SIMC1: variants seen among roughly 807,000 people sequenced by gnomAD.
The protein encoded by SIMC1 is SUMO-interacting motif-containing protein 1.
Under a neutral mutation model 82.3 loss-of-function variants are expected in SIMC1, and 55 were observed. The observed-to-expected ratio is 0.67, with a 90% CI of 0.54 to 0.84. SIMC1 has a LOEUF of 0.84. Among genes scored for constraint, SIMC1 ranks in the 40% least tolerant of loss-of-function variants. The pLI is 0.00. For missense variants in SIMC1, 915 were observed against 1,107.2 expected, an observed-to-expected ratio of 0.83 and a Z score of 2.46; for synonymous variants, 353 against 426.3, an observed-to-expected ratio of 0.83 and a Z score of 2.12.
At chr5:176,305,837 CCGTCCGGG>C (rs1349625591) in intron 4 of SIMC1, among the ~76,000 whole-genome samples, 1 of 73,364 alleles carries the variant, frequency 1.4e-5, no homozygotes, top group African/African-American at 5.7e-5. Flanking sequence ...GCCAGCCGCC[CCGTCCGGG>C]AGGGAGGTGG....
rs572493300 is a variant in SIMC1 at position 176,241,874 on chromosome 5, A to G, written c.129+3237A>G. Among the ~76,000 whole-genome samples the G allele has an allele frequency of 2.1e-3, 319 of 151,962 alleles. 5 individuals are homozygous for G. In the East Asian group the frequency reaches 0.047, roughly 22 times the overall value. On this transcript the variant is annotated intron_variant, in intron 1 of 9. Coordinates refer to ENST00000429602, the MANE Select transcript of SIMC1 (RefSeq NM_001308195.2). ...ATAAATCATCTGTCTGAAATAGGGG[A>G]CAACCACAGCTGCAGACCTCTATCT...
Position 176,275,929 on chromosome 5 carries a change from T to G in SIMC1, c.130-13725T>G, listed in dbSNP as rs1037101192. On this transcript the variant is annotated intron_variant, in intron 1 of 9. Coordinates refer to ENST00000429602, the MANE Select transcript of SIMC1 (RefSeq NM_001308195.2). ...GTTCATCAAGGATATTGGTCTAAAA[T>G]TCTCTTTTTTGGTTGTGTCTCTGCC... 6.6e-5 allele frequency among the ~76,000 whole-genome samples: 10 copies of G among 151,712 alleles called. 1 individual carries two copies. The highest frequency in any genetic ancestry group is 2.1e-4 in the South Asian group (1 of 4,830).
At chr5:176,332,134 T>C (rs1765697166) in intron 7 of SIMC1, among the ~76,000 whole-genome samples, 1 of 152,248 alleles carries the variant, frequency 6.6e-6, no homozygotes, top group African/African-American at 2.4e-5. Context: ...ATATAAGTAT[T>C]GGTTTTATAC....
At chr5:176,254,740 T>C (rs1006043534) in intron 1 of SIMC1, among the ~76,000 whole-genome samples, 1 of 151,750 alleles carries the variant, frequency 6.6e-6, no homozygotes, top group African/African-American at 2.4e-5. Flanking sequence ...TGGTAATATA[T>C]ATAACCAATG....
At position 176,322,431 on chromosome 5, in the gene SIMC1, G is replaced by T; in HGVS notation, c.2042+6G>T. ...ACAAAGAACACCAATCAGCTGTAAG[G>T]GGCAGGCAGTTCTCTTTCCTGGGGC... On this transcript the variant is annotated splice_donor_region_variant and intron_variant, in intron 6 of 9. Coordinates refer to ENST00000429602, the MANE Select transcript of SIMC1 (RefSeq NM_001308195.2). 1 of 1,606,122 alleles carries T rather than the reference G, an allele frequency of 6.2e-7. No individual in the cohort carries two copies. Among genetic ancestry groups the T allele is most frequent in the Non-Finnish European group, 8.5e-7 (1 of 1,176,394 alleles).
intron 1 of SIMC1, among the ~76,000 whole-genome samples, chr5:176,284,231 A>G (rs1763156829): frequency 6.6e-6 from 1 of 152,260 alleles, no homozygotes; most frequent in African/African-American, 2.4e-5. Context: ...CATTCTTCTC[A>G]GCACCACACC....
At chr5:176,272,642 C>A (rs1424219815) in intron 1 of SIMC1, among the ~76,000 whole-genome samples, 1 of 152,130 alleles carries the variant, frequency 6.6e-6, no homozygotes, top group African/African-American at 2.4e-5. Flanking sequence ...TGAGGCTTTG[C>A]CTCGCCTGAG....
chr5:176,307,549 C>T (rs902742098), intron 4 of SIMC1, among the ~76,000 whole-genome samples: 1 of 151,974 alleles, frequency 6.6e-6, no homozygotes, highest in Non-Finnish European at 1.5e-5. Context: ...TACAGGCGCC[C>T]GCCACCACGC....
At position 176,286,910 on chromosome 5, in the gene SIMC1, A is replaced by G. The variant is rs1763314770; in HGVS notation, c.130-2744A>G. Among the ~76,000 whole-genome samples, 4 of 152,262 alleles carry G rather than the reference A, an allele frequency of 2.6e-5. No homozygotes were observed. In the South Asian group the frequency reaches 6.2e-4, roughly 24 times the overall value. On this transcript the variant is annotated intron_variant, in intron 1 of 9. Coordinates refer to ENST00000429602, the MANE Select transcript of SIMC1 (RefSeq NM_001308195.2). ...TCATCACTGGCTATCGGAGAAATGCATATCAAAACCACAATGAGATACCAT... is the reference window on the plus strand; with the variant it reads ...TCATCACTGGCTATCGGAGAAATGCGTATCAAAACCACAATGAGATACCAT...
rs186552127 is a variant in SIMC1 at position 176,282,888 on chromosome 5, A to G, written c.130-6766A>G. ...ACTACGTGATGCATGCACAAGCTTC[A>G]GTAGCCGATTCGATCAACTGGAAGA... On this transcript the variant is annotated intron_variant, in intron 1 of 9. Coordinates refer to ENST00000429602, the MANE Select transcript of SIMC1 (RefSeq NM_001308195.2). Among the ~76,000 whole-genome samples the G allele has an allele frequency of 3.1e-4, 47 of 152,372 alleles. No individual in the cohort carries two copies. The East Asian group carries it at 8.9e-3, about 29-fold the overall frequency.
intron 7 of SIMC1, among the ~76,000 whole-genome samples, chr5:176,333,511 C>T (rs1765758289): frequency 6.6e-6 from 1 of 151,678 alleles, no homozygotes; most frequent in Admixed American, 6.6e-5. Flanking sequence ...TCACCGCAAC[C>T]TCTGCCTCCC....
In SIMC1 at chr5:176,274,747, A is replaced by G. The variant is rs1762606808; in HGVS notation, c.130-14907A>G. Among the ~76,000 whole-genome samples, 2 of 151,824 alleles carry G rather than the reference A, an allele frequency of 1.3e-5. 1 individual carries two copies. Among genetic ancestry groups the G allele is most frequent in the Admixed American group, 1.3e-4 (2 of 15,236 alleles). ...ATGGCTAGCCAGTTTTCCCAGCACC[A>G]TTTATTAACTAGGGAATCCTTTCCC... On this transcript the variant is annotated intron_variant, in intron 1 of 9. Coordinates refer to ENST00000429602, the MANE Select transcript of SIMC1 (RefSeq NM_001308195.2).
Position 176,289,965 on chromosome 5 carries a change from A to C in SIMC1, c.441A>C (p.Thr147=). 1 of 1,613,818 alleles carries C rather than the reference A, an allele frequency of 6.2e-7. No homozygotes were observed. The highest frequency in any genetic ancestry group is 8.5e-7 in the Non-Finnish European group (1 of 1,179,826). The change falls in exon 2 of 10, where the codon ACA becomes ACC. Residue 147 remains threonine, a synonymous_variant. Transcript: ENST00000429602. The part of the protein sequence containing the change: ...ENTFVGPPPA[T]SISGGSVYPT... ...CCTTTGTAGGTCCCCCACCCGCTAC[A>C]TCCATCAGTGGAGGCTCTGTTTATC...
chr5:176,258,654 G>A (rs915681665), intron 1 of SIMC1, among the ~76,000 whole-genome samples: 6 of 150,300 alleles, frequency 4.0e-5, no homozygotes, highest in African/African-American at 4.9e-5. Context: ...TGGCACAATC[G>A]CATAAGTTAG....
At chr5:176,337,172 A>AGT in intron 9 of SIMC1, 26 bp downstream of exon 9, 1 of 1,583,958 alleles carries the variant, frequency 6.3e-7, no homozygotes, top group Non-Finnish European at 8.7e-7. Context: ...TCACAAGTGG[A>AGT]GTAGTGGAAG....
intron 1 of SIMC1, among the ~76,000 whole-genome samples, chr5:176,243,904 T>C (rs1457510793): frequency 1.3e-4 from 18 of 134,106 alleles, no homozygotes; most frequent in African/African-American, 4.6e-4. Flanking sequence ...TATCATCCAA[T>C]TGGGAAACTT....
At chr5:176,305,988 G>C (rs1315074701) in intron 4 of SIMC1, among the ~76,000 whole-genome samples, 7 of 65,556 alleles carry the variant, frequency 1.1e-4, no homozygotes, top group Non-Finnish European at 2.0e-4. Flanking sequence ...GAGGTGGGGG[G>C]GTCAGCCCCC....
intron 1 of SIMC1, among the ~76,000 whole-genome samples, chr5:176,268,007 C>T (rs1489913629): frequency 6.6e-6 from 1 of 151,732 alleles, no homozygotes; most frequent in Non-Finnish European, 1.5e-5. Context: ...GCCTTGGCCT[C>T]CCAAAGTGCT....
chr5:176,281,890 A>G (rs1389854771), intron 1 of SIMC1, among the ~76,000 whole-genome samples: 1 of 152,224 alleles, frequency 6.6e-6, no homozygotes, highest in East Asian at 1.9e-4. Flanking sequence ...TCAGGGACCA[A>G]CTTGAGGAGG....
Sources: gnomAD v4.1 joint callset for allele counts (sites outside exome capture counted in the v4.1 genomes callset) on GRCh38, gnomAD v4.1.1 for gene constraint, MANE v1.5 for transcripts, NCBI Gene and HGNC (gene_info 2026-07-23, HGNC 2026-07-21) for gene names.